BTBD10: variants seen among roughly 807,000 people sequenced by gnomAD.
The protein encoded by BTBD10 is BTB/POZ domain-containing protein 10.
A neutral mutation model predicts 53.2 loss-of-function variants in BTBD10; 21 were observed. The ratio of observed to expected loss-of-function variants is 0.39; its 90% CI spans 0.28 to 0.57. The LOEUF is 0.57. Among genes scored for constraint, BTBD10 ranks in the 20% least tolerant of loss-of-function variants. The probability of loss-of-function intolerance (pLI) is 0.53; values close to 1 mark genes in which losing one functional copy is unlikely to be tolerated. For missense variants in BTBD10, 360 were observed against 594.7 expected, an observed-to-expected ratio of 0.61 and a Z score of 4.10; for synonymous variants, 149 against 192.7, an observed-to-expected ratio of 0.77 and a Z score of 1.88.
intron 3 of BTBD10, among the ~76,000 whole-genome samples, chr11:13,420,113 T>C (rs1379179112): frequency 6.6e-6 from 1 of 152,116 alleles, no homozygotes; most frequent in African/African-American, 2.4e-5. Flanking sequence ...TTGAAAGTTA[T>C]TACAGTAAAA....
chr11:13,405,957 T>C (rs556078414), intron 6 of BTBD10, 101 bp from the exon 7 acceptor site: 53 of 1,051,254 alleles, frequency 5.0e-5, no homozygotes, highest in South Asian at 9.5e-5. Flanking sequence ...GCAGCCTACA[T>C]AGGCCCCCTC....
intron 4 of BTBD10, among the ~76,000 whole-genome samples, chr11:13,417,729 G>C (rs1036613108): frequency 6.6e-6 from 1 of 152,164 alleles, no homozygotes; most frequent in African/African-American, 2.4e-5. Flanking sequence ...GGACAAGTCA[G>C]GTTGTTTTAC....
intron 1 of BTBD10, among the ~76,000 whole-genome samples, chr11:13,453,310 AATACAC>A (rs1427409867): frequency 6.6e-6 from 1 of 152,168 alleles, no homozygotes; most frequent in Non-Finnish European, 1.5e-5. Flanking sequence ...TTAAAAATTA[AATACAC>A]ATACACACAC....
intron 2 of BTBD10, among the ~76,000 whole-genome samples, chr11:13,437,023 C>A (rs553478853): frequency 6.6e-6 from 1 of 152,248 alleles, no homozygotes; most frequent in East Asian, 1.9e-4. Context: ...CCTCAAGCAA[C>A]CCGCACGCCT....
chr11:13,402,877 ACAC>A (rs1337444212), intron 8 of BTBD10, among the ~76,000 whole-genome samples: 3 of 152,178 alleles, frequency 2.0e-5, no homozygotes, highest in African/African-American at 4.8e-5. Flanking sequence ...ATGTCCACAC[ACAC>A]CACATGGGCT....
rs1949326924 is a variant in BTBD10 at position 13,388,807 on chromosome 11, C to G, written c.*24G>C. 6.3e-7 allele frequency: 1 copy of G among 1,594,048 alleles called. No homozygotes were observed. The highest frequency in any genetic ancestry group is 1.3e-5 in the African/African-American group (1 of 74,744). ...CAACGTCACTGTGAAGAGTAGCATG[C>G]TATGGTTTCAAGGAAGATCAGCATC... On this transcript the variant is annotated 3_prime_UTR_variant, in exon 9 of 9. Transcript: ENST00000278174.
intron 2 of BTBD10, among the ~76,000 whole-genome samples, chr11:13,428,004 G>C (rs1206356913): frequency 1.3e-5 from 2 of 151,912 alleles, no homozygotes; most frequent in Non-Finnish European, 2.9e-5. Flanking sequence ...GCAAATTATG[G>C]CATTAAATTC....
At chr11:13,441,945 A>T (rs1950660119) in intron 2 of BTBD10, among the ~76,000 whole-genome samples, 1 of 152,184 alleles carries the variant, frequency 6.6e-6, no homozygotes, top group Non-Finnish European at 1.5e-5. Context: ...GAAATTTCTG[A>T]GAAATTTAAT....
chr11:13,435,860 A>C (rs934515764), intron 2 of BTBD10, among the ~76,000 whole-genome samples: 3 of 152,196 alleles, frequency 2.0e-5, no homozygotes, highest in Non-Finnish European at 4.4e-5. Flanking sequence ...CTTTGAAAAC[A>C]CAACCTTTTT....
At chr11:13,407,882 A>T (rs1194228900) in intron 6 of BTBD10, among the ~76,000 whole-genome samples, 1 of 152,222 alleles carries the variant, frequency 6.6e-6, no homozygotes, top group South Asian at 2.1e-4. Context: ...TTCTGAATGC[A>T]GCCTCCAGGA....
chr11:13,438,538 TC>T (rs1266724366), intron 2 of BTBD10, among the ~76,000 whole-genome samples: 1 of 152,008 alleles, frequency 6.6e-6, no homozygotes. Flanking sequence ...CAATAGAAGA[TC>T]ACTTCATGAC....
chr11:13,430,467 A>T lies in BTBD10; in HGVS notation c.102-8629T>A, dbSNP rs376649018. Among the ~76,000 whole-genome samples the T allele has an allele frequency of 1.1e-4, 16 of 152,292 alleles. No homozygotes were observed. In the East Asian group the frequency reaches 1.3e-3, roughly 13 times the overall value. On this transcript the variant is annotated intron_variant, in intron 2 of 8. Coordinates refer to ENST00000278174, the MANE Select transcript of BTBD10 (RefSeq NM_032320.7). ...TTTTAGAAACTGTTTCGGAGAAGAG[A>T]TTGTTTCTTAAGAAATTAAACATAC...
chr11:13,396,736 A>C (rs1373401306), intron 8 of BTBD10, among the ~76,000 whole-genome samples: 1 of 152,162 alleles, frequency 6.6e-6, no homozygotes. Flanking sequence ...ATTTATTGAG[A>C]GTTTTTAGCA....
At chr11:13,399,743 G>T (rs1472440377) in intron 8 of BTBD10, among the ~76,000 whole-genome samples, 1 of 152,158 alleles carries the variant, frequency 6.6e-6, no homozygotes, top group African/African-American at 2.4e-5. Flanking sequence ...TGTCCTTTCT[G>T]TTTGTTAGTT....
At chr11:13,443,232 AGAGT>A (rs10530865) in intron 2 of BTBD10, among the ~76,000 whole-genome samples, 15,976 of 151,412 alleles carry the variant, frequency 0.11, 934 homozygotes, top group Middle Eastern at 0.15. Flanking sequence ...CCAGCCTGAC[AGAGT>A]GAGAACCCAT....
chr11:13,417,095 C>A, intron 5 of BTBD10, 63 bp downstream of exon 5: 1 of 1,206,428 alleles, frequency 8.3e-7, no homozygotes, highest in South Asian at 1.5e-5. Context: ...AATTCTGCGT[C>A]TAATCCAAGT....
chr11:13,459,269 G>A (rs1479265766), intron 1 of BTBD10, among the ~76,000 whole-genome samples: 1 of 151,490 alleles, frequency 6.6e-6, no homozygotes, highest in Non-Finnish European at 1.5e-5. Flanking sequence ...CGTTTTAGCC[G>A]GGATGGTCTC....
chr11:13,395,854 T>G (rs1949535234), intron 8 of BTBD10, among the ~76,000 whole-genome samples: 1 of 152,316 alleles, frequency 6.6e-6, no homozygotes, highest in South Asian at 2.1e-4. Flanking sequence ...GTTGTAGATA[T>G]GCGGCGTTAT....
chr11:13,419,810 T>C (rs1333042315), intron 3 of BTBD10, 65 bp from the exon 4 acceptor site: 1 of 1,306,114 alleles, frequency 7.7e-7, no homozygotes. Flanking sequence ...TTTATATATA[T>C]CTTTTTAAAT....
Sources: gnomAD v4.1 joint callset for allele counts (sites outside exome capture counted in the v4.1 genomes callset) on GRCh38, gnomAD v4.1.1 for gene constraint, MANE v1.5 for transcripts, NCBI Gene and HGNC (gene_info 2026-07-23, HGNC 2026-07-21) for gene names.